The following ADAM12 variants were observed in gnomAD, a reference collection of about 807,000 sequenced individuals.
ADAM12 encodes the protein disintegrin and metalloproteinase domain-containing protein 12.
A neutral mutation model predicts 106.4 loss-of-function variants in ADAM12; 70 were observed. That is an observed-to-expected ratio of 0.66 (90% CI 0.54 to 0.80). The LOEUF is 0.80. Ranked by LOEUF, ADAM12 falls within the 30% of genes least tolerant of loss-of-function variation. The pLI is 0.00. For synonymous variants in ADAM12, 420 were observed against 433.5 expected (o/e 0.97, Z 0.39); for missense variants, 1,010 against 1,171.9 (o/e 0.86, Z 2.02).
At position 126,388,255 on chromosome 10, in the gene ADAM12, T is replaced by G; in HGVS notation, c.-110A>C. 1 of 1,178,032 alleles carries G rather than the reference T, an allele frequency of 8.5e-7. No homozygotes were observed. Among genetic ancestry groups the G allele is most frequent in the Non-Finnish European group, 1.0e-6 (1 of 952,586 alleles). The allele number at this position is 1,178,032 out of a possible 1,614,324, so 73.0% of individuals were successfully genotyped here. ...GTCGCGACCGGAGGGATTTCCTGCC[T>G]CGGCGAGTCAGCTCCGGAGCCCTCG... On this transcript the variant is annotated 5_prime_UTR_variant, in exon 1 of 23. Coordinates refer to ENST00000448723, the MANE Select transcript of ADAM12 (RefSeq NM_001288973.2). This position sits in a 1 kb window ranked among gnomAD's most constrained non-coding sequence, Gnocchi z 4.4.
intron 18 of ADAM12, chr10:126,042,019 C>T: frequency 6.8e-7 from 1 of 1,471,940 alleles, no homozygotes; most frequent in Non-Finnish European, 9.0e-7. Context: ...TGTCTGTTGT[C>T]ATGGAAACGA....
chr10:126,261,472 T>A (rs1484204009), intron 3 of ADAM12, among the ~76,000 whole-genome samples: 1 of 152,192 alleles, frequency 6.6e-6, no homozygotes, highest in African/African-American at 2.4e-5. Context: ...TCCTATTAAT[T>A]GGCAATCTAG....
chr10:126,105,840 T>C (rs2133590802), intron 8 of ADAM12, among the ~76,000 whole-genome samples: 1 of 152,340 alleles, frequency 6.6e-6, no homozygotes, highest in Non-Finnish European at 1.5e-5. Context: ...TAAAGTTGAA[T>C]CTGCAAAGAG....
At chr10:126,358,722 G>A (rs964669472) in intron 1 of ADAM12, among the ~76,000 whole-genome samples, 3 of 152,058 alleles carry the variant, frequency 2.0e-5, no homozygotes, top group Admixed American at 6.5e-5. Context: ...TGTTGATGAC[G>A]TGTTTCTTCA....
intron 3 of ADAM12, among the ~76,000 whole-genome samples, chr10:126,157,126 G>C (rs576602745): frequency 6.6e-6 from 1 of 152,332 alleles, no homozygotes; most frequent in South Asian, 2.1e-4. Context: ...GAGCTGGGAT[G>C]TCTGGGGATG....
intron 4 of ADAM12, among the ~76,000 whole-genome samples, chr10:126,143,704 A>G (rs1436774091): frequency 1.3e-5 from 2 of 151,468 alleles, no homozygotes; most frequent in African/African-American, 2.4e-5. Flanking sequence ...ATGTGTGTAT[A>G]TGTGTGTGTG....
intron 3 of ADAM12, among the ~76,000 whole-genome samples, chr10:126,254,368 G>GC (rs372625127): frequency 6.6e-6 from 1 of 152,314 alleles, no homozygotes; most frequent in African/African-American, 2.4e-5. Context: ...AATGCCAAGC[G>GC]CAAGTCATGT....
chr10:126,199,396 A>G (rs978261910), intron 3 of ADAM12, among the ~76,000 whole-genome samples: 5 of 152,134 alleles, frequency 3.3e-5, no homozygotes, highest in African/African-American at 1.2e-4. Context: ...TGCATGAGTC[A>G]TTTTAGGCAT....
At chr10:126,227,948 T>C (rs1958232384) in intron 3 of ADAM12, among the ~76,000 whole-genome samples, 1 of 152,056 alleles carries the variant, frequency 6.6e-6, no homozygotes, top group East Asian at 1.9e-4. Context: ...ACCATTCATA[T>C]CCTGGAGTCC....
At position 126,049,282 on chromosome 10, in the gene ADAM12, G is replaced by A. The variant is rs774562279; in HGVS notation, c.1888C>T (p.Leu630Phe). Residue 630 changes from leucine to phenylalanine, a missense_variant, in exon 16 of 23, where the codon CTT becomes TTT. By Grantham distance (22) the Leu-to-Phe change is conservative (BLOSUM62 0). Around this residue, in one of 3 missense-constraint regions of ADAM12, gnomAD observed 615 missense variants for 708.5 expected, o/e 0.87. Transcript: ENST00000448723. The surrounding 1 kb of genome is among the most constrained non-coding windows in gnomAD (Gnocchi z 4.4). ...GDDMPDPGLV[L>F]AGTKCADGKI... ...CCATCTGCACACTTTGTGCCTGCAA[G>A]CACAAGCCCTGGGTCCGGCATGTCA... is the stretch of plus-strand genomic sequence containing the variant. 9.9e-6 allele frequency: 16 copies of A among 1,614,218 alleles called. No homozygotes were observed. The Admixed American group carries it at 2.3e-4, about 24-fold the overall frequency.
intron 1 of ADAM12, among the ~76,000 whole-genome samples, chr10:126,339,386 C>A (rs1355939435): frequency 6.6e-6 from 1 of 152,192 alleles, no homozygotes; most frequent in Non-Finnish European, 1.5e-5. Context: ...CTTGTCAATA[C>A]CATCCACATT....
intron 13 of ADAM12, among the ~76,000 whole-genome samples, chr10:126,065,487 T>C (rs368723684): frequency 6.6e-6 from 1 of 152,154 alleles, no homozygotes; most frequent in Admixed American, 6.5e-5. Context: ...CGTCAAATCA[T>C]AGAACTGGAA....
At chr10:126,270,972 C>T (rs796690069) in intron 3 of ADAM12, among the ~76,000 whole-genome samples, 35 of 152,266 alleles carry the variant, frequency 2.3e-4, no homozygotes, top group African/African-American at 7.9e-4. Flanking sequence ...TGCCCACTGC[C>T]GGCTCCTGAT....
chr10:126,381,533 TCA>T (rs1169061570), intron 1 of ADAM12, among the ~76,000 whole-genome samples: 1 of 152,150 alleles, frequency 6.6e-6, no homozygotes, highest in Non-Finnish European at 1.5e-5. Flanking sequence ...TCTCACTCTG[TCA>T]CCCAGGCTGG....
At chr10:126,188,852 A>T (rs538589063) in intron 3 of ADAM12, among the ~76,000 whole-genome samples, 3 of 151,980 alleles carry the variant, frequency 2.0e-5, no homozygotes, top group African/African-American at 7.2e-5. Context: ...TCCATCCATA[A>T]TCCATTCATC....
chr10:126,127,598 A>G (rs149222855), intron 5 of ADAM12, among the ~76,000 whole-genome samples: 52 of 152,316 alleles, frequency 3.4e-4, no homozygotes, highest in African/African-American at 1.2e-3. Flanking sequence ...TGGGTGTTAG[A>G]CCTATACGTT....
chr10:126,385,610 C>G (rs544964927), intron 1 of ADAM12, among the ~76,000 whole-genome samples: 1 of 151,452 alleles, frequency 6.6e-6, no homozygotes, highest in African/African-American at 2.4e-5. Flanking sequence ...AAACACTGCA[C>G]GGCAAAACAG....
rs1318852191 is a variant in ADAM12, at chr10:126,330,423, A to G, written c.175T>C (p.Phe59Leu). The G allele has an allele frequency of 1.2e-6, 2 of 1,612,840 alleles. No homozygotes were observed. The highest frequency in any genetic ancestry group is 3.4e-5 in the Admixed American group (2 of 59,518). The change falls in exon 2 of 23, where the codon TTC (phenylalanine) becomes CTC (leucine). Residue 59 changes from phenylalanine to leucine, a missense_variant. Physicochemically the swap from Phe to Leu is conservative, Grantham distance 22 (BLOSUM62 0). Transcript: ENST00000448723. ...SGDLWIPVKS[F>L]DSKNHPEVLN... ...GGAGAGGAACTCACCTTGGAGTCGA[A>G]GCTCTTCACTGGGATCCAGAGGTCC...
intron 1 of ADAM12, among the ~76,000 whole-genome samples, 166 bp downstream of exon 1, chr10:126,387,892 G>GGT (rs1554879307): frequency 1.5e-5 from 2 of 129,610 alleles, no homozygotes; most frequent in East Asian, 4.2e-4. Context: ...TGGCACCTGG[G>GGT]GGGGGGGGGT....
Sources: gnomAD v4.1 joint callset for allele counts (sites outside exome capture counted in the v4.1 genomes callset) on GRCh38, gnomAD v4.1.1 for gene constraint, gnomAD v4.1.1 regional missense constraint, Gnocchi (gnomAD v3.1) non-coding constraint, MANE v1.5 for transcripts, NCBI Gene and HGNC (gene_info 2026-07-23, HGNC 2026-07-21) for gene names.